The following ADCY8 variants were observed in gnomAD, a reference collection of about 807,000 sequenced individuals.
ADCY8 encodes adenylate cyclase type 8.
In ADCY8, 51 loss-of-function variants were observed where a neutral mutation model predicts 119.7. That is an observed-to-expected ratio of 0.43 (90% CI 0.34 to 0.54). ADCY8 has a LOEUF of 0.54. Ranked by LOEUF, ADCY8 falls within the 20% of genes least tolerant of loss-of-function variation. ADCY8 has a pLI of 0.03. For missense variants in ADCY8, 1,383 were observed against 1,598.8 expected, an observed-to-expected ratio of 0.87 and a Z score of 2.30; for synonymous variants, 665 against 651.0, an observed-to-expected ratio of 1.02 and a Z score of -0.33.
At chr8:130,787,896 T>G (rs990459325) in intron 15 of ADCY8, among the ~76,000 whole-genome samples, 12 of 151,890 alleles carry the variant, frequency 7.9e-5, no homozygotes, top group Non-Finnish European at 1.6e-4. Context: ...TATATGTGTG[T>G]CCACATGTGT....
intron 15 of ADCY8, among the ~76,000 whole-genome samples, chr8:130,793,141 T>G (rs954301646): frequency 6.6e-6 from 1 of 152,108 alleles, no homozygotes; most frequent in African/African-American, 2.4e-5. Flanking sequence ...GCACACACCC[T>G]CCTCAGGGCT....
chr8:131,004,172 G>T (rs1278321486), intron 1 of ADCY8, among the ~76,000 whole-genome samples: 1 of 152,118 alleles, frequency 6.6e-6, no homozygotes, highest in Non-Finnish European at 1.5e-5. Context: ...GAGGGATTAG[G>T]TTTACACGAG....
At chr8:130,791,390 C>G (rs10090411) in intron 15 of ADCY8, among the ~76,000 whole-genome samples, 1 of 152,144 alleles carries the variant, frequency 6.6e-6, no homozygotes, top group Non-Finnish European at 1.5e-5. Flanking sequence ...GGGCAGGTGC[C>G]GGTAAGCGGA....
rs748866472 is a variant in ADCY8, at chr8:130,903,928, G to C, written c.1755C>G (p.Tyr585Ter). 1 of 1,614,108 alleles carries C rather than the reference G, an allele frequency of 6.2e-7. No individual in the cohort carries two copies. Among genetic ancestry groups the C allele is most frequent in the Non-Finnish European group, 8.5e-7 (1 of 1,180,008 alleles). Residue 585 changes from tyrosine to a stop codon, truncating the protein, a stop_gained, in exon 7 of 18, where the codon TAC (tyrosine) becomes TAG (stop). Coordinates refer to ENST00000286355, the MANE Select transcript of ADCY8 (RefSeq NM_001115.3). LOFTEE classifies it high-confidence loss of function. ...EFLRKHNIET[Y>*]LIKQPEDSLL... Reference sequence around the variant, plus strand: ...GACTGTCCTCAGGCTGCTTAATTAAGTAAGTTTCGATATTATGCTTCCTCA... The same window carrying C: ...GACTGTCCTCAGGCTGCTTAATTAACTAAGTTTCGATATTATGCTTCCTCA...
intron 5 of ADCY8, among the ~76,000 whole-genome samples, chr8:130,915,666 A>T (rs1227401913): frequency 1.3e-5 from 2 of 152,186 alleles, no homozygotes; most frequent in Non-Finnish European, 2.9e-5. Flanking sequence ...GATACTGAAC[A>T]CTCAAAAATA....
At chr8:131,022,809 G>A (rs930076529) in intron 1 of ADCY8, among the ~76,000 whole-genome samples, 1 of 152,152 alleles carries the variant, frequency 6.6e-6, no homozygotes, top group African/African-American at 2.4e-5. Context: ...TTCTGGTAAT[G>A]TAAGTGGCTC....
chr8:130,941,375 C>T (rs755251205), intron 4 of ADCY8, among the ~76,000 whole-genome samples: 40 of 152,168 alleles, frequency 2.6e-4, no homozygotes, highest in Non-Finnish European at 4.7e-4. Flanking sequence ...AAAAAGTACC[C>T]TTTCTCTTTC....
At chr8:130,990,717 C>T (rs565404892) in intron 1 of ADCY8, 175 bp from the exon 2 acceptor site, 1 of 729,938 alleles carries the variant, frequency 1.4e-6, no homozygotes, top group African/African-American at 1.8e-5. Context: ...AATGTCATCC[C>T]TTTGGAGAGG....
intron 7 of ADCY8, among the ~76,000 whole-genome samples, chr8:130,889,649 C>A: frequency 6.6e-6 from 1 of 152,150 alleles, no homozygotes; most frequent in East Asian, 1.9e-4. Flanking sequence ...CTTCACCAGG[C>A]ACATGAAATG....
At chr8:130,951,275 C>A (rs181838654) in intron 3 of ADCY8, among the ~76,000 whole-genome samples, 72 of 152,254 alleles carry the variant, frequency 4.7e-4, no homozygotes, top group Admixed American at 1.8e-3. Flanking sequence ...AGCTTGTGTG[C>A]CTCACCATGG....
At chr8:130,798,991 T>C (rs746932196) in intron 15 of ADCY8, among the ~76,000 whole-genome samples, 8 of 151,944 alleles carry the variant, frequency 5.3e-5, no homozygotes, top group Admixed American at 2.0e-4. Flanking sequence ...TGCAACAACA[T>C]GGATGGGTCT....
intron 5 of ADCY8, among the ~76,000 whole-genome samples, chr8:130,918,775 A>C (rs1439020983): frequency 6.6e-6 from 1 of 152,188 alleles, no homozygotes; most frequent in Non-Finnish European, 1.5e-5. Flanking sequence ...GAAATTGTGT[A>C]TCCTGGCCGG....
At chr8:130,903,730 C>G (rs138008939) in intron 7 of ADCY8, 42 bp downstream of exon 7, 818 of 1,601,910 alleles carry the variant, frequency 5.1e-4, no homozygotes, top group Non-Finnish European at 6.4e-4. Flanking sequence ...TGCACACGAG[C>G]ATGCATTCAT....
At chr8:130,992,429 A>G (rs1315407388) in intron 1 of ADCY8, among the ~76,000 whole-genome samples, 3 of 37,308 alleles carry the variant, frequency 8.0e-5, no homozygotes, top group African/African-American at 1.7e-4. Flanking sequence ...ATATATATAT[A>G]TTTGAGATAG....
intron 7 of ADCY8, among the ~76,000 whole-genome samples, chr8:130,893,464 T>A (rs1819262023): frequency 6.6e-6 from 1 of 152,126 alleles, no homozygotes; most frequent in Non-Finnish European, 1.5e-5. Flanking sequence ...ATTAGCTGGG[T>A]TGAAATGTCA....
At chr8:130,941,458 C>T (rs1056739184) in intron 4 of ADCY8, among the ~76,000 whole-genome samples, 14 of 151,984 alleles carry the variant, frequency 9.2e-5, no homozygotes, top group Non-Finnish European at 1.8e-4. Flanking sequence ...TTTGGATGGC[C>T]GTTTTTGTTC....
intron 2 of ADCY8, among the ~76,000 whole-genome samples, chr8:130,984,678 A>G (rs1822343045): frequency 6.6e-6 from 1 of 152,156 alleles, no homozygotes; most frequent in Admixed American, 6.5e-5. Context: ...GGAAATATAG[A>G]AAAAAATGTG....
chr8:130,945,927 G>T (rs537990376), intron 3 of ADCY8, among the ~76,000 whole-genome samples: 1 of 152,160 alleles, frequency 6.6e-6, no homozygotes, highest in African/African-American at 2.4e-5. Context: ...TGAGGCCTAC[G>T]TATCTTGCCT....
chr8:130,952,364 C>T (rs80158160), intron 2 of ADCY8, among the ~76,000 whole-genome samples: 12,147 of 152,214 alleles, frequency 0.08, 543 homozygotes, highest in Middle Eastern at 0.14. Flanking sequence ...GACAGCGATG[C>T]ATATCAGGGA....
Sources: allele counts gnomAD v4.1 joint callset (sites outside exome capture counted in the v4.1 genomes callset), GRCh38; gene constraint gnomAD v4.1.1; transcripts MANE v1.5; gene names NCBI Gene and HGNC (gene_info 2026-07-23, HGNC 2026-07-21).